Variants in DPP6 observed in about 807,000 individuals in gnomAD.
The protein encoded by DPP6 is A-type potassium channel modulatory protein DPP6.
In DPP6, 69 loss-of-function variants were observed where a neutral mutation model predicts 122.6. That is an observed-to-expected ratio of 0.56 (90% confidence interval 0.46 to 0.69). The LOEUF (loss-of-function observed/expected upper bound fraction) is 0.69. DPP6 is among the 30% of genes least tolerant of loss of function. DPP6 has a pLI of 0.00. For missense variants in DPP6, 928 were observed against 1,116.9 expected, an observed-to-expected ratio of 0.83 and a Z score of 2.41; for synonymous variants, 418 against 433.1, an observed-to-expected ratio of 0.97 and a Z score of 0.43.
chr7:154,621,507 T>C (rs182521703), intron 5 of DPP6, among the ~76,000 whole-genome samples: 37 of 152,232 alleles, frequency 2.4e-4, no homozygotes, highest in Admixed American at 1.1e-3. Flanking sequence ...TAGCTGGGAT[T>C]ACAGGCTCAT....
intron 7 of DPP6, among the ~76,000 whole-genome samples, chr7:154,677,726 C>T (rs1454259158): frequency 6.6e-6 from 1 of 152,212 alleles, no homozygotes; most frequent in East Asian, 1.9e-4. Context: ...GCAGCAGCAG[C>T]ACAGAGCCAG....
upstream of DPP6, among the ~76,000 whole-genome samples, chr7:153,886,152 C>CACACACAG (rs1371385144): frequency 6.8e-6 from 1 of 146,450 alleles, no homozygotes; most frequent in African/African-American, 2.5e-5. Context: ...CACACACACA[C>CACACACAG]AGCCTGATGT....
At chr7:154,634,689 C>T (rs1331277395) in intron 5 of DPP6, among the ~76,000 whole-genome samples, 1 of 151,604 alleles carries the variant, frequency 6.6e-6, no homozygotes, top group African/African-American at 2.4e-5. Context: ...CCTTCTCCTT[C>T]GTCTCCTTCT....
chr7:154,241,127 C>A lies in DPP6; in HGVS notation c.243+188064C>A, dbSNP rs2150873708. On this transcript the variant is annotated intron_variant, in intron 1 of 25. Coordinates refer to ENST00000377770, the MANE Select transcript of DPP6 (RefSeq NM_130797.4). This position sits in a 1 kb window ranked among gnomAD's most constrained non-coding sequence, Gnocchi z 9.0. ...CCATGTAACCACATACTGCTTTGCA[C>A]CAATGATTGGGCACAAATATAAACA... is the stretch of plus-strand genomic sequence containing the variant. 6.6e-6 allele frequency among the ~76,000 whole-genome samples: 1 copy of A among 151,554 alleles called. No homozygotes were observed. Among genetic ancestry groups the A allele is most frequent in the Non-Finnish European group, 1.5e-5 (1 of 67,958 alleles).
rs1585156032 is a variant in DPP6, at chr7:154,000,074, A to G, written c.51+112340A>G. 2.0e-5 allele frequency among the ~76,000 whole-genome samples: 3 copies of G among 152,334 alleles called. No homozygotes were observed. In the South Asian group the frequency reaches 6.2e-4, roughly 32 times the overall value. ...GTAAATTTGCTTTGTAATGTTTACA[A>G]TACCGTATGTGTTTAGTGTCTGGAT... On this transcript the variant is annotated intron_variant, in intron 1 of 25. Coordinates refer to the DPP6 transcript ENST00000404039.
At chr7:154,857,501 G>A (rs1278457441) in intron 17 of DPP6, among the ~76,000 whole-genome samples, 7 of 152,204 alleles carry the variant, frequency 4.6e-5, no homozygotes, top group East Asian at 1.9e-4. Context: ...CATGGGAGGC[G>A]TGTGGGGTTT....
intron 4 of DPP6, among the ~76,000 whole-genome samples, chr7:154,560,623 C>T (rs1057280715): frequency 4.6e-5 from 7 of 152,246 alleles, no homozygotes; most frequent in African/African-American, 1.7e-4. Context: ...GTGGCTCATG[C>T]CTGTAATCCC....
intron 1 of DPP6, among the ~76,000 whole-genome samples, chr7:153,958,280 T>C (rs566401032): frequency 2.0e-5 from 3 of 151,986 alleles, no homozygotes; most frequent in African/African-American, 4.8e-5. Context: ...GCTGGGGGAG[T>C]GCACTTGTAA....
chr7:153,814,927 C>G, the DPP6 span, among the ~76,000 whole-genome samples: 1 of 152,040 alleles, frequency 6.6e-6, no homozygotes, highest in South Asian at 2.1e-4. Context: ...GCTAAAAACT[C>G]TCAATAAATT....
At chr7:153,861,439 AG>A in the DPP6 span, among the ~76,000 whole-genome samples, 1 of 152,212 alleles carries the variant, frequency 6.6e-6, no homozygotes, top group Admixed American at 6.5e-5. Flanking sequence ...CATATTCAAA[AG>A]ATGCATATGT....
intron 1 of DPP6, among the ~76,000 whole-genome samples, chr7:153,923,125 C>T (rs544352839): frequency 2.5e-4 from 38 of 152,326 alleles, no homozygotes; most frequent in Admixed American, 5.9e-4. Context: ...AACAGCCAGG[C>T]AGTGGGCGTC....
rs10215357 is a variant in DPP6, at chr7:154,771,996, G to A, written c.1039-849G>A. Among the ~76,000 whole-genome samples, 1,195 of 152,246 alleles carry A rather than the reference G, an allele frequency of 7.8e-3. 9 individuals are homozygous for A. Among genetic ancestry groups the A allele is most frequent in the African/African-American group, 0.027 (1,137 of 41,546 alleles). On this transcript the variant is annotated intron_variant, in intron 9 of 25. Coordinates refer to ENST00000377770, the MANE Select transcript of DPP6 (RefSeq NM_130797.4). ...AACCCAGAGATGAATGGTTCCCATG[G>A]TTATCTTTTTGTGGGAGTTTCCCCA...
chr7:154,465,188 C>T (rs1821675501), intron 2 of DPP6, among the ~76,000 whole-genome samples: 2 of 152,176 alleles, frequency 1.3e-5, no homozygotes, highest in Admixed American at 6.5e-5. Context: ...AGAAAGGTTA[C>T]AGAATGCAAG....
chr7:154,687,551 C>G lies in DPP6; in HGVS notation c.762+18110C>G, dbSNP rs544363871. Among the ~76,000 whole-genome samples the G allele has an allele frequency of 2.0e-5, 3 of 152,070 alleles. No homozygotes were observed. In the East Asian group the frequency reaches 5.8e-4, roughly 29 times the overall value. Reference sequence around the variant, plus strand: ...CCTATTTTTCCTTCGGGTTGTTTGCCCCTTTCTTATTGATGCGCATCATTT... The same window carrying G: ...CCTATTTTTCCTTCGGGTTGTTTGCGCCTTTCTTATTGATGCGCATCATTT... On this transcript the variant is annotated intron_variant, in intron 7 of 25. Coordinates refer to ENST00000377770, the MANE Select transcript of DPP6 (RefSeq NM_130797.4).
At chr7:154,857,497 A>G (rs1310991574) in intron 17 of DPP6, among the ~76,000 whole-genome samples, 1 of 152,152 alleles carries the variant, frequency 6.6e-6, no homozygotes, top group Non-Finnish European at 1.5e-5. Flanking sequence ...TTGCCATGGG[A>G]GGCGTGTGGG....
At chr7:154,575,246 G>GT (rs1831498457) in intron 5 of DPP6, among the ~76,000 whole-genome samples, 17 of 121,204 alleles carry the variant, frequency 1.4e-4, no homozygotes, top group Non-Finnish European at 2.4e-4. Context: ...GTGTTTGTGT[G>GT]GTGTGTGTGG....
chr7:153,879,934 A>G, the DPP6 span, among the ~76,000 whole-genome samples: 53 of 152,336 alleles, frequency 3.5e-4, no homozygotes, highest in African/African-American at 1.2e-3. Flanking sequence ...ATGTTGGTAG[A>G]CACATAATAA....
chr7:154,523,364 T>A (rs949258909), intron 3 of DPP6, among the ~76,000 whole-genome samples: 1 of 152,196 alleles, frequency 6.6e-6, no homozygotes, highest in Non-Finnish European at 1.5e-5. Flanking sequence ...CATCAGTTCT[T>A]TTTTTGCTGA....
intron 1 of DPP6, among the ~76,000 whole-genome samples, chr7:154,317,863 A>G (rs1393345540): frequency 6.6e-6 from 1 of 152,264 alleles, no homozygotes; most frequent in Non-Finnish European, 1.5e-5. Flanking sequence ...ATTGAATCCA[A>G]TAAAAACACC....
Sources: gnomAD v4.1 joint callset for allele counts (sites outside exome capture counted in the v4.1 genomes callset) on GRCh38, gnomAD v4.1.1 for gene constraint, Gnocchi (gnomAD v3.1) non-coding constraint, MANE v1.5 for transcripts, NCBI Gene and HGNC (gene_info 2026-07-23, HGNC 2026-07-21) for gene names.